The following AOPEP variants were observed in gnomAD, a reference collection of about 807,000 sequenced individuals.
AOPEP encodes the protein aminopeptidase O.
AOPEP carries 77 observed loss-of-function variants against 98.1 expected under a neutral mutation model. The observed-to-expected ratio is 0.78, with a 90% CI of 0.65 to 0.95. AOPEP has a LOEUF of 0.95. AOPEP is among the 40% of genes least tolerant of loss of function. The pLI is 0.00. For synonymous variants in AOPEP, 346 were observed against 365.3 expected (o/e 0.95, Z 0.60); for missense variants, 1,024 against 1,024.7 (o/e 1.00, Z 0.01).
intron 1 of AOPEP, among the ~76,000 whole-genome samples, chr9:94,735,270 G>C (rs1476873587): frequency 6.6e-6 from 1 of 152,196 alleles, no homozygotes; most frequent in African/African-American, 2.4e-5. Context: ...ACCCAGGCTG[G>C]AGTGCAGTGG....
intron 7 of AOPEP, chr9:94,933,380 G>A (rs1350100822): frequency 2.0e-6 from 2 of 985,292 alleles, no homozygotes; most frequent in Non-Finnish European, 2.4e-6. Context: ...TTTATTGTTT[G>A]TGATTTATTA....
the AOPEP span, among the ~76,000 whole-genome samples, chr9:95,092,827 G>A: frequency 0.017 from 2,577 of 152,240 alleles, 81 homozygotes; most frequent in African/African-American, 0.058. Context: ...TGGATCGGAC[G>A]CTCATGGCGA....
intron 7 of AOPEP, chr9:94,931,872 C>T: frequency 7.5e-7 from 1 of 1,342,200 alleles, no homozygotes; most frequent in Middle Eastern, 1.8e-4. Flanking sequence ...CCCTCTGCCT[C>T]TGTGGCCAGT....
chr9:95,008,708 G>A (rs2062239285), intron 13 of AOPEP, among the ~76,000 whole-genome samples: 1 of 152,152 alleles, frequency 6.6e-6, no homozygotes, highest in African/African-American at 2.4e-5. Flanking sequence ...CCCGCCTTCT[G>A]CTTCCAGTCA....
At chr9:95,094,228 G>A in the AOPEP span, among the ~76,000 whole-genome samples, 1 of 152,236 alleles carries the variant, frequency 6.6e-6, no homozygotes, top group Non-Finnish European at 1.5e-5. Flanking sequence ...CACTAGTGTG[G>A]ATCCCTGCAG....
intron 3 of AOPEP, among the ~76,000 whole-genome samples, chr9:94,782,508 C>G (rs1315580033): frequency 6.6e-6 from 1 of 152,206 alleles, no homozygotes. Context: ...AAGCCAAGAT[C>G]TGAGAGTCCA....
At chr9:94,941,861 T>C (rs1029994653) in intron 7 of AOPEP, among the ~76,000 whole-genome samples, 1 of 152,192 alleles carries the variant, frequency 6.6e-6, no homozygotes, top group East Asian at 1.9e-4. Context: ...GCAAGACATT[T>C]CATAATCACT....
chr9:95,079,499 C>T (rs927668227), intron 14 of AOPEP, among the ~76,000 whole-genome samples: 50 of 152,172 alleles, frequency 3.3e-4, no homozygotes, highest in African/African-American at 6.3e-4. Context: ...AAATGGTTGA[C>T]GTGGTATAAC....
intron 16 of AOPEP, chr9:95,085,126 A>G (rs953232933): frequency 3.9e-5 from 16 of 411,066 alleles, no homozygotes; most frequent in South Asian, 1.4e-4. Flanking sequence ...GTTTGCTAGC[A>G]TAACAGGCGT....
intron 16 of AOPEP, chr9:95,085,530 G>T: frequency 1.9e-6 from 1 of 516,680 alleles, no homozygotes. Context: ...TTCTGCACCT[G>T]AAGAGAAGGT....
At chr9:94,742,356 G>A (rs1833330702) in intron 1 of AOPEP, among the ~76,000 whole-genome samples, 1 of 152,108 alleles carries the variant, frequency 6.6e-6, no homozygotes, top group South Asian at 2.1e-4. Context: ...ACCAACCAGT[G>A]CCTACCCACA....
chr9:95,100,531 T>C, the AOPEP span: 2 of 231,734 alleles, frequency 8.6e-6, no homozygotes, highest in African/African-American at 4.4e-5. Flanking sequence ...ACAAACAGAA[T>C]AGACACAAAA....
At chr9:94,809,858 C>T (rs182233715) in intron 5 of AOPEP, 33 of 154,840 alleles carry the variant, frequency 2.1e-4, no homozygotes, top group Middle Eastern at 1.0e-3. Context: ...TTGGCACGTG[C>T]CCTGGGCTCC....
rs116954099 is a variant in AOPEP at position 95,041,617 on chromosome 9, G to A, written c.2116-19077G>A. Among the ~76,000 whole-genome samples, 537 of 152,190 alleles carry A rather than the reference G, an allele frequency of 3.5e-3. 16 individuals are homozygous for A. In the East Asian group the frequency reaches 0.051, roughly 15 times the overall value. ...AAATAAAACATCACTAAACAGGGAT[G>A]GCTTGAATATTTCTTACCGGCTGTA... is the stretch of plus-strand genomic sequence containing the variant. On this transcript the variant is annotated intron_variant, in intron 13 of 16. Transcript: ENST00000375315.
chr9:94,803,748 C>G (rs906730753), intron 5 of AOPEP, among the ~76,000 whole-genome samples: 3 of 152,180 alleles, frequency 2.0e-5, no homozygotes, highest in African/African-American at 7.2e-5. Flanking sequence ...TAACTGACCC[C>G]CTCCCCTACC....
At chr9:95,029,088 A>T (rs2064082218) in intron 13 of AOPEP, among the ~76,000 whole-genome samples, 1 of 152,124 alleles carries the variant, frequency 6.6e-6, no homozygotes, top group African/African-American at 2.4e-5. Context: ...CTGAAAACTG[A>T]TTCTCTCAGG....
intron 14 of AOPEP, among the ~76,000 whole-genome samples, chr9:95,076,100 C>T (rs973672367): frequency 6.6e-6 from 1 of 152,242 alleles, no homozygotes; most frequent in East Asian, 1.9e-4. Context: ...ATAATACTGT[C>T]CCCACCTTTC....
At chr9:94,957,332 C>T (rs555606108) in intron 9 of AOPEP, among the ~76,000 whole-genome samples, 7 of 152,268 alleles carry the variant, frequency 4.6e-5, no homozygotes, top group Admixed American at 1.3e-4. Flanking sequence ...CTCAGCCTCC[C>T]GAGTAGCTGG....
At chr9:95,096,288 C>T in the AOPEP span, among the ~76,000 whole-genome samples, 5 of 152,224 alleles carry the variant, frequency 3.3e-5, no homozygotes, top group South Asian at 4.1e-4. Flanking sequence ...CAGTGAGTAG[C>T]GGGGAGTGAC....
Sources: allele counts gnomAD v4.1 joint callset (sites outside exome capture counted in the v4.1 genomes callset), GRCh38; gene constraint gnomAD v4.1.1; transcripts MANE v1.5; gene names NCBI Gene and HGNC (gene_info 2026-07-23, HGNC 2026-07-21).